The following FRMD3 variants were observed in gnomAD, a reference collection of about 807,000 sequenced individuals.
The protein encoded by FRMD3 is FERM domain-containing protein 3.
Under a neutral mutation model 70.2 loss-of-function variants are expected in FRMD3, and 33 were observed. The ratio of observed to expected loss-of-function variants is 0.47; its 90% CI spans 0.36 to 0.63. The LOEUF (loss-of-function observed/expected upper bound fraction) is 0.63. Among genes scored for constraint, FRMD3 ranks in the 20% least tolerant of loss-of-function variants. The probability of loss-of-function intolerance (pLI) is 0.00; values close to 1 mark genes in which losing one functional copy is unlikely to be tolerated. For synonymous variants in FRMD3, 279 were observed against 255.9 expected (o/e 1.09, Z -0.86); for missense variants, 632 against 711.4 (o/e 0.89, Z 1.27).
intron 1 of FRMD3, among the ~76,000 whole-genome samples, chr9:83,448,461 G>C (rs1827544915): frequency 6.6e-6 from 1 of 152,176 alleles, no homozygotes; most frequent in Non-Finnish European, 1.5e-5. Flanking sequence ...GCAGCGGTAA[G>C]GCCTCAGGTG....
At position 83,499,999 on chromosome 9, in the gene FRMD3, G is replaced by C. The variant is rs573801056; in HGVS notation, c.147+38086C>G. On this transcript the variant is annotated intron_variant, in intron 1 of 13. Transcript: ENST00000304195. The stretch of plus-strand genomic sequence containing the variant: ...GTTGCTAAATAAAAGAAACTAGTCT[G>C]AGAAGACTAACTTTTGATTCTAGCA... 3.3e-5 allele frequency among the ~76,000 whole-genome samples: 5 copies of C among 152,302 alleles called. 1 individual carries two copies. Among genetic ancestry groups the C allele is most frequent in the African/African-American group, 1.2e-4 (5 of 41,556 alleles).
intron 13 of FRMD3, among the ~76,000 whole-genome samples, chr9:83,272,993 C>T (rs1251098841): frequency 3.3e-5 from 5 of 151,308 alleles, no homozygotes; most frequent in Admixed American, 2.6e-4. Context: ...GCAGCCGCCC[C>T]GTCCGGGAGG....
intron 4 of FRMD3, among the ~76,000 whole-genome samples, chr9:83,345,798 T>G (rs1823938501): frequency 2.0e-5 from 3 of 151,854 alleles, no homozygotes; most frequent in Admixed American, 2.0e-4. Context: ...ATTAATTAAG[T>G]TCCAGGGGAT....
At chr9:83,263,302 G>A (rs1833073107) in intron 13 of FRMD3, among the ~76,000 whole-genome samples, 1 of 152,232 alleles carries the variant, frequency 6.6e-6, no homozygotes, top group African/African-American at 2.4e-5. Flanking sequence ...ATTACTTGCT[G>A]ATGATGGCAT....
chr9:83,339,153 C>T (rs753795730), intron 5 of FRMD3, among the ~76,000 whole-genome samples: 9 of 152,186 alleles, frequency 5.9e-5, no homozygotes, highest in Non-Finnish European at 1.2e-4. Flanking sequence ...ATGCTACACA[C>T]TGCAAATGTT....
At chr9:83,363,297 C>T (rs1274015137) in intron 3 of FRMD3, among the ~76,000 whole-genome samples, 2 of 152,026 alleles carry the variant, frequency 1.3e-5, no homozygotes, top group Non-Finnish European at 2.9e-5. Flanking sequence ...TTTACGTGGT[C>T]TTTTAATCTG....
intron 1 of FRMD3, among the ~76,000 whole-genome samples, chr9:83,404,908 G>GGACACT: frequency 6.6e-6 from 1 of 152,316 alleles, no homozygotes; most frequent in Admixed American, 6.5e-5. Context: ...TCACGGCACA[G>GGACACT]GACACTGGTT....
intron 1 of FRMD3, among the ~76,000 whole-genome samples, chr9:83,508,651 C>G (rs1587496344): frequency 6.6e-6 from 1 of 152,236 alleles, no homozygotes; most frequent in African/African-American, 2.4e-5. Context: ...GCTTGGAATG[C>G]TCTCCCTGCC....
chr9:83,534,756 T>TG (rs1037573041), intron 1 of FRMD3, among the ~76,000 whole-genome samples: 2 of 152,218 alleles, frequency 1.3e-5, no homozygotes, highest in African/African-American at 4.8e-5. Context: ...ACCATGTTTC[T>TG]GGGGGGTGGA....
At chr9:83,338,959 C>T (rs965043450) in intron 5 of FRMD3, among the ~76,000 whole-genome samples, 5 of 152,068 alleles carry the variant, frequency 3.3e-5, no homozygotes, top group African/African-American at 1.2e-4. Flanking sequence ...AGGAGATGGA[C>T]GATCCCAGTG....
chr9:83,515,188 G>A (rs1829427597), intron 1 of FRMD3, among the ~76,000 whole-genome samples: 1 of 152,220 alleles, frequency 6.6e-6, no homozygotes, highest in African/African-American at 2.4e-5. Flanking sequence ...AAAAGAGCAT[G>A]TTCTAACCTA....
chr9:83,529,435 T>C (rs1023145634), intron 1 of FRMD3, among the ~76,000 whole-genome samples: 8 of 152,204 alleles, frequency 5.3e-5, no homozygotes, highest in African/African-American at 1.7e-4. Flanking sequence ...GTCTTATGAA[T>C]ATATGAAAAT....
Position 83,523,296 on chromosome 9 carries a change from T to C in FRMD3, c.147+14789A>G, listed in dbSNP as rs533751502. On this transcript the variant is annotated intron_variant, in intron 1 of 13. Coordinates refer to ENST00000304195, the MANE Select transcript of FRMD3 (RefSeq NM_174938.6). ...AGTGGAAGAGTGGATAAATGATGAATGAATTAATGGATAGTTAGATGGATG... is the reference window on the plus strand; with the variant it reads ...AGTGGAAGAGTGGATAAATGATGAACGAATTAATGGATAGTTAGATGGATG... Among the ~76,000 whole-genome samples, 14 of 152,170 alleles carry C rather than the reference T, an allele frequency of 9.2e-5. No individual in the cohort carries two copies. The South Asian group carries it at 1.9e-3, about 20-fold the overall frequency.
chr9:83,296,793 A>C (rs1467468845), intron 12 of FRMD3, among the ~76,000 whole-genome samples: 1 of 152,212 alleles, frequency 6.6e-6, no homozygotes, highest in African/African-American at 2.4e-5. Context: ...GTCTACTCCA[A>C]GAAAAGTGCT....
intron 1 of FRMD3, among the ~76,000 whole-genome samples, chr9:83,494,892 A>G (rs1012051604): frequency 6.6e-6 from 1 of 150,382 alleles, no homozygotes; most frequent in African/African-American, 2.5e-5. Context: ...TATATATGAT[A>G]TTTTACAAAA....
chr9:83,297,607 AGAG>A (rs1834726928), intron 12 of FRMD3: 1 of 377,932 alleles, frequency 2.6e-6, no homozygotes, highest in African/African-American at 2.1e-5. Flanking sequence ...AATTTGGGGA[AGAG>A]GAGGGAACCA....
At chr9:83,337,069 A>G (rs1823604275) in intron 5 of FRMD3, among the ~76,000 whole-genome samples, 1 of 152,176 alleles carries the variant, frequency 6.6e-6, no homozygotes, top group South Asian at 2.1e-4. Context: ...CCCAAAAGTG[A>G]ACATGGGATG....
intron 1 of FRMD3, among the ~76,000 whole-genome samples, chr9:83,435,407 C>G (rs1258022913): frequency 6.6e-6 from 1 of 151,882 alleles, no homozygotes; most frequent in African/African-American, 2.4e-5. Flanking sequence ...CACCACAAAC[C>G]AGAAAGCCAG....
At chr9:83,505,947 G>A (rs1034264348) in intron 1 of FRMD3, among the ~76,000 whole-genome samples, 2 of 152,128 alleles carry the variant, frequency 1.3e-5, no homozygotes, top group Admixed American at 6.5e-5. Flanking sequence ...ACAATCATCT[G>A]CTAGAGAAAT....
Sources: allele counts gnomAD v4.1 joint callset (sites outside exome capture counted in the v4.1 genomes callset), GRCh38; gene constraint gnomAD v4.1.1; transcripts MANE v1.5; gene names NCBI Gene and HGNC (gene_info 2026-07-23, HGNC 2026-07-21).